VPS35L: variants seen among roughly 807,000 people sequenced by gnomAD.
VPS35L encodes VPS35 endosomal protein-sorting factor-like.
VPS35L carries 83 observed loss-of-function variants against 133.0 expected under a neutral mutation model. That is an observed-to-expected ratio of 0.62 (90% CI 0.52 to 0.75). The LOEUF (loss-of-function observed/expected upper bound fraction) is 0.75, where lower values mean the gene tolerates loss of function less well. VPS35L is among the 30% of genes least tolerant of loss of function. The pLI, the probability that VPS35L is intolerant of heterozygous loss-of-function variation, is 0.00. For synonymous variants in VPS35L, 423 were observed against 449.9 expected (o/e 0.94, Z 0.76); for missense variants, 1,083 against 1,206.8 (o/e 0.90, Z 1.52).
At position 19,581,537 on chromosome 16, in the gene VPS35L, G is replaced by A; in HGVS notation, c.523G>A (p.Glu175Lys). ...CTTCTCCCCACAGGGTTCCCAAAAG[G>A]AGCTGTTGAACTTGACTCAGCAGGA... is the stretch of plus-strand genomic sequence containing the variant. ...LDDFEEGSQKELLNLTQQDYV... is the reference protein window; with the variant it reads ...LDDFEEGSQKKLLNLTQQDYV... The change falls in exon 7 of 31, where the codon GAG becomes AAG. Residue 175 changes from glutamate (E) to lysine (K), a missense_variant. Physicochemically the swap from Glu to Lys is moderately conservative, Grantham distance 56. Coordinates refer to ENST00000417362, the MANE Select transcript of VPS35L (RefSeq NM_020314.7). 6.2e-7 allele frequency: 1 copy of A among 1,603,300 alleles called. No homozygotes were observed. The highest frequency in any genetic ancestry group is 8.5e-7 in the Non-Finnish European group (1 of 1,174,298).
chr16:19,687,338 T>C (rs1975497397), intron 28 of VPS35L, among the ~76,000 whole-genome samples: 1 of 152,198 alleles, frequency 6.6e-6, no homozygotes, highest in African/African-American at 2.4e-5. Context: ...ACATGAGAAA[T>C]TCCTTCACCA....
At chr16:19,610,214 T>C in intron 11 of VPS35L, 108 bp from the exon 12 acceptor site, 1 of 934,540 alleles carries the variant, frequency 1.1e-6, no homozygotes. Flanking sequence ...AAACTTGATT[T>C]TTCCCCCCCT....
chr16:19,562,166 G>C (rs1971050192), intron 1 of VPS35L, among the ~76,000 whole-genome samples: 1 of 152,050 alleles, frequency 6.6e-6, no homozygotes, highest in Non-Finnish European at 1.5e-5. Context: ...TTATTCCGGG[G>C]GGCTACTATA....
intron 12 of VPS35L, among the ~76,000 whole-genome samples, 183 bp from the exon 13 acceptor site, chr16:19,615,931 G>A (rs922148016): frequency 1.3e-5 from 2 of 150,352 alleles, no homozygotes; most frequent in Admixed American, 1.3e-4. Flanking sequence ...CGCACCCACC[G>A]CACTCCAGCC....
Position 19,614,407 on chromosome 16 carries a change from A to G in VPS35L, c.1024-1707A>G, listed in dbSNP as rs146323079. On this transcript the variant is annotated intron_variant, in intron 12 of 30. Coordinates refer to ENST00000417362, the MANE Select transcript of VPS35L (RefSeq NM_020314.7). The stretch of plus-strand genomic sequence containing the variant: ...GGGTAGTGGAAGGTGAATGGGAGAA[A>G]TCTCTCCCCATTTGAAGAAATAGGG... 6.7e-3 allele frequency among the ~76,000 whole-genome samples: 1,026 copies of G among 152,176 alleles called. 11 individuals carry two copies. The highest frequency in any genetic ancestry group is 0.014 in the Middle Eastern group (4 of 294).
intron 26 of VPS35L, among the ~76,000 whole-genome samples, chr16:19,660,152 C>G (rs1424741693): frequency 6.6e-6 from 1 of 152,026 alleles, no homozygotes; most frequent in African/African-American, 2.4e-5. Context: ...TGACAAAACC[C>G]TGTCTCTACT....
intron 27 of VPS35L, among the ~76,000 whole-genome samples, chr16:19,677,349 C>T (rs1445043974): frequency 6.6e-6 from 1 of 152,124 alleles, no homozygotes; most frequent in Non-Finnish European, 1.5e-5. Context: ...TCCCAGAGTG[C>T]TGGAATTACA....
intron 8 of VPS35L, among the ~76,000 whole-genome samples, chr16:19,592,747 G>C (rs564013230): frequency 6.7e-6 from 1 of 149,694 alleles, no homozygotes; most frequent in African/African-American, 2.5e-5. Flanking sequence ...GTACAGTGGC[G>C]TGATGTTGGC....
At chr16:19,604,286 C>T (rs1317465526) in intron 9 of VPS35L, among the ~76,000 whole-genome samples, 1 of 152,122 alleles carries the variant, frequency 6.6e-6, no homozygotes, top group East Asian at 1.9e-4. Flanking sequence ...AATAATCTTC[C>T]TTTCTCCCAG....
intron 26 of VPS35L, 67 bp from the exon 27 acceptor site, chr16:19,669,093 G>A (rs905770747): frequency 9.9e-6 from 15 of 1,515,136 alleles, no homozygotes; most frequent in Admixed American, 1.9e-5. Flanking sequence ...TTCAGGCCAC[G>A]TGAAGAAGAA....
At chr16:19,690,919 G>A (rs948386639) in intron 28 of VPS35L, among the ~76,000 whole-genome samples, 1 of 151,572 alleles carries the variant, frequency 6.6e-6, no homozygotes, top group Non-Finnish European at 1.5e-5. Flanking sequence ...CCAAGATCGT[G>A]CCACTGCACT....
chr16:19,643,485 G>A (rs1008438455), intron 22 of VPS35L, among the ~76,000 whole-genome samples: 15 of 152,136 alleles, frequency 9.9e-5, no homozygotes, highest in African/African-American at 3.4e-4. Context: ...TCTTCTTCCT[G>A]GAAGCTGATG....
In VPS35L at chr16:19,564,912, TTGG is replaced by T. The variant is rs1971139541; in HGVS notation, c.80_82del (p.Leu27_Glu28delinsTer). 1 of 1,613,388 alleles carries T rather than the reference TTGG, an allele frequency of 6.2e-7. No individual in the cohort carries two copies. Among genetic ancestry groups the T allele is most frequent in the Admixed American group, 1.7e-5 (1 of 59,972 alleles). Reference sequence around the variant, plus strand: ...ATCATGCCGACTGGAGGCTGTACCATTGGAGTTTGGGGACTATCACCCTCTGAA... The same window carrying T: ...ATCATGCCGACTGGAGGCTGTACCATAGTTTGGGGACTATCACCCTCTGAA... On this transcript the variant is annotated stop_gained and inframe_deletion, in exon 2 of 31. Coordinates refer to ENST00000417362, the MANE Select transcript of VPS35L (RefSeq NM_020314.7). LOFTEE classifies it high-confidence loss of function.
At chr16:19,625,882 C>CAGA (rs1258825204) in intron 14 of VPS35L, among the ~76,000 whole-genome samples, 1 of 152,078 alleles carries the variant, frequency 6.6e-6, no homozygotes, top group Non-Finnish European at 1.5e-5. Flanking sequence ...CCATGTTGGC[C>CAGA]AGACTAGTCT....
intron 1 of VPS35L, among the ~76,000 whole-genome samples, chr16:19,563,978 G>T (rs891653273): frequency 3.3e-5 from 5 of 152,226 alleles, no homozygotes; most frequent in Admixed American, 1.3e-4. Flanking sequence ...CCCTCAGCGG[G>T]AAAGCTGGGC....
Position 19,598,869 on chromosome 16 carries a change from G to A in VPS35L, c.725-2795G>A, listed in dbSNP as rs987836637. Among the ~76,000 whole-genome samples, 55 of 152,268 alleles carry A rather than the reference G, an allele frequency of 3.6e-4. 1 individual carries two copies. Among genetic ancestry groups the A allele is most frequent in the African/African-American group, 1.2e-3 (48 of 41,542 alleles). On this transcript the variant is annotated intron_variant, in intron 8 of 30. Coordinates refer to ENST00000417362, the MANE Select transcript of VPS35L (RefSeq NM_020314.7). ...TAGTTTTAGAGGGATGGCAACTTTCGTGTAGGAAATAAAGGTGTTTTGTGC... is the reference window on the plus strand; with the variant it reads ...TAGTTTTAGAGGGATGGCAACTTTCATGTAGGAAATAAAGGTGTTTTGTGC...
rs550565191 is a variant in VPS35L, at chr16:19,612,648, C to T, written c.1023+2233C>T. Among the ~76,000 whole-genome samples the T allele has an allele frequency of 9.9e-5, 15 of 152,274 alleles. No homozygotes were observed. In the South Asian group the frequency reaches 2.9e-3, roughly 29 times the overall value. On this transcript the variant is annotated intron_variant, in intron 12 of 30. Transcript: ENST00000417362. Reference sequence around the variant, plus strand: ...ACATCATTTGAATAAGGCCTGATATCGGAGACCCGGTGATAAAGACTTAGA... The same window carrying T: ...ACATCATTTGAATAAGGCCTGATATTGGAGACCCGGTGATAAAGACTTAGA...
rs58602934 is a variant in VPS35L at position 19,614,399 on chromosome 16, T to C, written c.1024-1715T>C. 6.0e-3 allele frequency among the ~76,000 whole-genome samples: 917 copies of C among 152,264 alleles called. 12 individuals are homozygous for C. The highest frequency in any genetic ancestry group is 0.02 in the African/African-American group (845 of 41,560). Reference sequence around the variant, plus strand: ...TGACCTCTGGGTAGTGGAAGGTGAATGGGAGAAATCTCTCCCCATTTGAAG... The same window carrying C: ...TGACCTCTGGGTAGTGGAAGGTGAACGGGAGAAATCTCTCCCCATTTGAAG... On this transcript the variant is annotated intron_variant, in intron 12 of 30. Coordinates refer to ENST00000417362, the MANE Select transcript of VPS35L (RefSeq NM_020314.7).
intron 2 of VPS35L, 113 bp from the exon 3 acceptor site, chr16:19,569,311 C>A: frequency 8.3e-7 from 1 of 1,208,846 alleles, no homozygotes; most frequent in Non-Finnish European, 1.2e-6. Flanking sequence ...TAAGTCTCTG[C>A]TGCAAATGAA....
Sources: gnomAD v4.1 joint callset for allele counts (sites outside exome capture counted in the v4.1 genomes callset) on GRCh38, gnomAD v4.1.1 for gene constraint, MANE v1.5 for transcripts, NCBI Gene and HGNC (gene_info 2026-07-23, HGNC 2026-07-21) for gene names.